The following ST6GALNAC3 variants were observed in gnomAD, a reference collection of about 807,000 sequenced individuals.
The protein encoded by ST6GALNAC3 is ST6 N-acetylgalactosaminide alpha-2,6-sialyltransferase 3.
In ST6GALNAC3, 25 loss-of-function variants were observed where a neutral mutation model predicts 32.7. The observed-to-expected ratio is 0.76, with a 90% CI of 0.56 to 1.07. ST6GALNAC3 has a LOEUF of 1.07. Among genes scored for constraint, ST6GALNAC3 ranks in the 50% least tolerant of loss-of-function variants. The pLI, the probability that ST6GALNAC3 is intolerant of heterozygous loss-of-function variation, is 0.00. For missense variants in ST6GALNAC3, 355 were observed against 382.4 expected (o/e 0.93, Z 0.60); for synonymous variants, 129 against 133.1 (o/e 0.97, Z 0.21).
chr1:76,367,912 T>C (rs1395109069), intron 2 of ST6GALNAC3, among the ~76,000 whole-genome samples: 1 of 152,182 alleles, frequency 6.6e-6, no homozygotes, highest in African/African-American at 2.4e-5. Flanking sequence ...CATCTCTTCT[T>C]TTCATTGTGC....
chr1:76,329,278 A>G (rs1647140847), intron 2 of ST6GALNAC3, among the ~76,000 whole-genome samples: 2 of 152,234 alleles, frequency 1.3e-5, no homozygotes, highest in Middle Eastern at 6.8e-3. Context: ...TAAGTTTTGC[A>G]GGCTACATAG....
intron 1 of ST6GALNAC3, among the ~76,000 whole-genome samples, chr1:76,110,461 GCA>G (rs1400230419): frequency 6.6e-6 from 1 of 152,264 alleles, no homozygotes; most frequent in East Asian, 1.9e-4. Context: ...GACATTGTGA[GCA>G]CAGTGTGTGT....
intron 1 of ST6GALNAC3, among the ~76,000 whole-genome samples, chr1:76,248,276 G>A (rs192034008): frequency 2.6e-5 from 4 of 152,186 alleles, no homozygotes; most frequent in East Asian, 1.9e-4. Context: ...TCCCTCTCTC[G>A]CCAGATGCCC....
intron 1 of ST6GALNAC3, among the ~76,000 whole-genome samples, chr1:76,277,212 T>G (rs1659179311): frequency 6.6e-6 from 1 of 152,126 alleles, no homozygotes; most frequent in Non-Finnish European, 1.5e-5. Flanking sequence ...ATTTTTAAAA[T>G]TATTTTCTAC....
chr1:76,132,663 CA>C (rs1649688142), intron 1 of ST6GALNAC3, among the ~76,000 whole-genome samples: 1 of 152,180 alleles, frequency 6.6e-6, no homozygotes, highest in Non-Finnish European at 1.5e-5. Context: ...GTCTCATCCA[CA>C]GCTACAGTGG....
At chr1:76,516,080 G>C (rs1662153236) in intron 3 of ST6GALNAC3, among the ~76,000 whole-genome samples, 1 of 152,144 alleles carries the variant, frequency 6.6e-6, no homozygotes, top group South Asian at 2.1e-4. Flanking sequence ...ATATATCTGA[G>C]TGCTCCAAGC....
At position 76,149,053 on chromosome 1, in the gene ST6GALNAC3, G is replaced by T. The variant is rs148001421; in HGVS notation, c.18+74169G>T. Among the ~76,000 whole-genome samples, 253 of 152,260 alleles carry T rather than the reference G, an allele frequency of 1.7e-3. 2 individuals are homozygous for T. The highest frequency in any genetic ancestry group is 5.5e-3 in the African/African-American group (227 of 41,548). On this transcript the variant is annotated intron_variant, in intron 1 of 4. Transcript: ENST00000328299. ...TGCCTCATCATATTCTTGCAAATAA[G>T]GTCAGATAATTCATGTAAAGCTTGG...
chr1:76,395,001 C>A (rs1284111207), intron 2 of ST6GALNAC3, among the ~76,000 whole-genome samples: 2 of 135,642 alleles, frequency 1.5e-5, no homozygotes, highest in African/African-American at 6.2e-5. Context: ...TTTGCATTAG[C>A]ATTTTATGGC....
chr1:76,363,486 C>T (rs1171560743), intron 2 of ST6GALNAC3, among the ~76,000 whole-genome samples: 1 of 152,160 alleles, frequency 6.6e-6, no homozygotes, highest in Non-Finnish European at 1.5e-5. Flanking sequence ...CCAAACATTC[C>T]CTCATCTTCC....
intron 2 of ST6GALNAC3, among the ~76,000 whole-genome samples, chr1:76,409,397 G>A (rs190228677): frequency 1.3e-5 from 2 of 152,152 alleles, no homozygotes; most frequent in East Asian, 3.9e-4. Context: ...ATAAACACAT[G>A]CCTTTGTCGG....
intron 2 of ST6GALNAC3, among the ~76,000 whole-genome samples, chr1:76,384,091 AT>A (rs1162075724): frequency 1.3e-5 from 2 of 152,152 alleles, no homozygotes; most frequent in Non-Finnish European, 2.9e-5. Context: ...AAACATTCTC[AT>A]TAAATGACAT....
chr1:76,111,114 A>T (rs1163021214), intron 1 of ST6GALNAC3, among the ~76,000 whole-genome samples: 1 of 152,214 alleles, frequency 6.6e-6, no homozygotes, highest in Non-Finnish European at 1.5e-5. Flanking sequence ...ATATTAATTT[A>T]GTTTACTGTG....
rs114946288 is a variant in ST6GALNAC3, at chr1:76,114,955, G to A, written c.18+40071G>A. On this transcript the variant is annotated intron_variant, in intron 1 of 4. Transcript: ENST00000328299. ...AAAAAGAAAAAGAAAAAAAAGGTAG[G>A]TTTCTGCTCTTGGATCTAAGTGCTC... Among the ~76,000 whole-genome samples, 254 of 151,880 alleles carry A rather than the reference G, an allele frequency of 1.7e-3. 1 individual carries two copies. Among genetic ancestry groups the A allele is most frequent in the African/African-American group, 5.9e-3 (246 of 41,432 alleles).
chr1:76,529,647 A>T (rs1448617110), intron 3 of ST6GALNAC3, among the ~76,000 whole-genome samples: 2 of 152,208 alleles, frequency 1.3e-5, no homozygotes, highest in Non-Finnish European at 1.5e-5. Context: ...ACTTTGAGTA[A>T]TACAGACACA....
intron 1 of ST6GALNAC3, among the ~76,000 whole-genome samples, chr1:76,226,537 T>G (rs1478354693): frequency 6.6e-6 from 1 of 152,162 alleles, no homozygotes. Context: ...GTGGGAAATT[T>G]ATAAAGAAAA....
intron 1 of ST6GALNAC3, among the ~76,000 whole-genome samples, chr1:76,096,621 A>T (rs1055642455): frequency 6.6e-6 from 1 of 151,328 alleles, no homozygotes; most frequent in Non-Finnish European, 1.5e-5. Context: ...TAAATTAATA[A>T]TGAAGGAAAG....
intron 3 of ST6GALNAC3, among the ~76,000 whole-genome samples, chr1:76,560,276 C>T (rs759359564): frequency 1.8e-4 from 28 of 152,068 alleles, no homozygotes; most frequent in Admixed American, 3.3e-4. Context: ...TTGATTTGGG[C>T]GAAATTTTAT....
At chr1:76,341,622 TTTC>T (rs1647996322) in intron 2 of ST6GALNAC3, among the ~76,000 whole-genome samples, 1 of 122,504 alleles carries the variant, frequency 8.2e-6, no homozygotes, top group Admixed American at 8.3e-5. Context: ...TCTTTCTTTC[TTTC>T]TTTCTTTCTT....
chr1:76,094,826 TA>T (rs1309954980), intron 1 of ST6GALNAC3, among the ~76,000 whole-genome samples: 2 of 152,144 alleles, frequency 1.3e-5, no homozygotes, highest in African/African-American at 4.8e-5. Context: ...ATTCTTGCTT[TA>T]AATACCTTCT....
Sources: allele counts gnomAD v4.1 joint callset (sites outside exome capture counted in the v4.1 genomes callset), GRCh38; gene constraint gnomAD v4.1.1; transcripts MANE v1.5; gene names NCBI Gene and HGNC (gene_info 2026-07-23, HGNC 2026-07-21).